Variants in PPP4R2 observed in about 807,000 individuals in gnomAD.
PPP4R2 encodes protein phosphatase 4 regulatory subunit 2, also known as serine/threonine-protein phosphatase 4 regulatory subunit 2.
In PPP4R2, 13 loss-of-function variants were observed where a neutral mutation model predicts 47.2. The observed-to-expected ratio is 0.28, with a 90% CI of 0.18 to 0.44. The LOEUF (loss-of-function observed/expected upper bound fraction) is 0.44. Ranked by LOEUF, PPP4R2 falls within the 20% of genes least tolerant of loss-of-function variation. The pLI is 1.00. For missense variants in PPP4R2, 421 were observed against 491.2 expected, an observed-to-expected ratio of 0.86 and a Z score of 1.35; for synonymous variants, 151 against 163.3, an observed-to-expected ratio of 0.92 and a Z score of 0.57.
intron 2 of PPP4R2, among the ~76,000 whole-genome samples, chr3:73,012,325 A>G (rs1701741810): frequency 1.3e-5 from 2 of 151,818 alleles, no homozygotes; most frequent in South Asian, 4.2e-4. Context: ...TTTGAGACGG[A>G]GTCTTGCTCT....
intron 2 of PPP4R2, among the ~76,000 whole-genome samples, chr3:73,008,781 A>T (rs1200792400): frequency 6.6e-6 from 1 of 152,240 alleles, no homozygotes. Context: ...AATAGAATGA[A>T]TATGGCTAAA....
intron 3 of PPP4R2, among the ~76,000 whole-genome samples, chr3:73,049,882 C>G (rs1702573350): frequency 1.3e-5 from 2 of 151,728 alleles, no homozygotes; most frequent in African/African-American, 4.8e-5. Flanking sequence ...TCATTAAATG[C>G]CTGAGCATTC....
At chr3:73,021,368 G>A (rs1326586663) in intron 2 of PPP4R2, among the ~76,000 whole-genome samples, 1 of 151,684 alleles carries the variant, frequency 6.6e-6, no homozygotes, top group Non-Finnish European at 1.5e-5. Flanking sequence ...TGAGTAGCTG[G>A]GACTACAGAT....
chr3:73,036,346 C>A (rs539995097), intron 2 of PPP4R2, among the ~76,000 whole-genome samples: 1 of 152,090 alleles, frequency 6.6e-6, no homozygotes, highest in Non-Finnish European at 1.5e-5. Context: ...AGTAGGATGA[C>A]TATAGTTAAC....
At chr3:73,001,176 C>T (rs577759084) in intron 2 of PPP4R2, among the ~76,000 whole-genome samples, 4 of 152,126 alleles carry the variant, frequency 2.6e-5, no homozygotes, top group African/African-American at 9.6e-5. Flanking sequence ...TATTATTACT[C>T]AGCTACATAA....
intron 2 of PPP4R2, among the ~76,000 whole-genome samples, chr3:73,028,844 T>A (rs749894555): frequency 2.6e-5 from 4 of 151,772 alleles, no homozygotes; most frequent in Non-Finnish European, 5.9e-5. Context: ...AGTAGACTGA[T>A]CAAGGAGAGG....
At chr3:73,062,736 A>T (rs763394375) in intron 5 of PPP4R2, 3 of 1,613,894 alleles carry the variant, frequency 1.9e-6, no homozygotes, top group African/African-American at 2.7e-5. Flanking sequence ...GATGGCATCT[A>T]TTGGAAGACT....
Position 73,064,044 on chromosome 3 carries a change from G to A in PPP4R2, c.536G>A (p.Arg179Gln), listed in dbSNP as rs781270939. ...CCTGGGACACCCAGGCCACTTAATC[G>A]ACCAAAGGTTTCTTTGTCAGCCCCC... ...NGPGTPRPLN[R>Q]PKVSLSAPMT... The change falls in exon 7 of 9, where the codon CGA becomes CAA. Residue 179 changes from arginine to glutamine, a missense_variant. By Grantham distance (43) the Arg-to-Gln change is conservative. Transcript: ENST00000356692. 2.5e-6 allele frequency: 4 copies of A among 1,612,566 alleles called. No homozygotes were observed. Among genetic ancestry groups the A allele is most frequent in the South Asian group, 1.1e-5 (1 of 90,948 alleles).
chr3:73,018,407 CGTTATGTTATGTTAT>C (rs11282207), intron 2 of PPP4R2, among the ~76,000 whole-genome samples: 2 of 96,028 alleles, frequency 2.1e-5, no homozygotes, highest in African/African-American at 4.7e-5. Flanking sequence ...CTGTCATAGT[CGTTATGTTATGTTAT>C]GTTATGTTAT....
At chr3:73,048,088 G>GA (rs1289552414) in intron 3 of PPP4R2, among the ~76,000 whole-genome samples, 1 of 152,050 alleles carries the variant, frequency 6.6e-6, no homozygotes, top group Non-Finnish European at 1.5e-5. Context: ...TGTTAGCCAG[G>GA]ATGGTCTCGA....
At chr3:73,028,847 A>T (rs1451889753) in intron 2 of PPP4R2, among the ~76,000 whole-genome samples, 1 of 147,020 alleles carries the variant, frequency 6.8e-6, no homozygotes, top group Non-Finnish European at 1.5e-5. Context: ...AGACTGATCA[A>T]GGAGAGGAGG....
intron 2 of PPP4R2, among the ~76,000 whole-genome samples, chr3:73,020,661 C>T (rs890257790): frequency 7.9e-6 from 1 of 126,120 alleles, no homozygotes; most frequent in Non-Finnish European, 1.6e-5. Flanking sequence ...CAGAGTGAGA[C>T]CCTGTCTCTT....
At chr3:73,023,749 G>C (rs941259987) in intron 2 of PPP4R2, among the ~76,000 whole-genome samples, 1 of 152,070 alleles carries the variant, frequency 6.6e-6, no homozygotes. Context: ...ATAAAAAATG[G>C]AAGTGGACCA....
chr3:73,050,029 C>T (rs1702577792), intron 3 of PPP4R2, among the ~76,000 whole-genome samples: 2 of 152,180 alleles, frequency 1.3e-5, no homozygotes, highest in African/African-American at 4.8e-5. Flanking sequence ...CAACTTCCGC[C>T]TCCCAAGTTC....
chr3:73,050,632 C>T (rs1381604869), intron 3 of PPP4R2, among the ~76,000 whole-genome samples: 2 of 152,126 alleles, frequency 1.3e-5, no homozygotes, highest in African/African-American at 4.8e-5. Flanking sequence ...TACAGAAGTA[C>T]ATAAAGAATG....
At chr3:73,024,657 C>G (rs1702022985) in intron 2 of PPP4R2, among the ~76,000 whole-genome samples, 1 of 152,116 alleles carries the variant, frequency 6.6e-6, no homozygotes, top group South Asian at 2.1e-4. Context: ...CTGCCTCCCT[C>G]CCTCCTTCTC....
At chr3:73,056,564 C>T (rs1702735829) in intron 3 of PPP4R2, among the ~76,000 whole-genome samples, 1 of 152,006 alleles carries the variant, frequency 6.6e-6, no homozygotes, top group Non-Finnish European at 1.5e-5. Flanking sequence ...CATTTTAGTG[C>T]CATCTATTGG....
At chr3:73,062,611 T>C in intron 5 of PPP4R2, 2 of 1,614,014 alleles carry the variant, frequency 1.2e-6, no homozygotes, top group East Asian at 2.2e-5. Flanking sequence ...TTTATTGCCC[T>C]TGAGAAGTCA....
In PPP4R2 at chr3:73,061,967, G is replaced by A. The variant is rs1276101054; in HGVS notation, c.419+907G>A. The A allele has an allele frequency of 8.8e-6, 6 of 679,524 alleles. 1 individual carries two copies. In the Admixed American group the frequency reaches 2.0e-4, roughly 22 times the overall value. 42.1% of individuals were successfully genotyped at this position (679,524 alleles called of 1,614,324 possible). A position where few individuals can be genotyped will look rare whatever the true frequency, so the allele number is the denominator to read the frequency against. ...TTCTTGACAGAAAAACTATTAAAAT[G>A]TATACATGATAAAAATTTCTTTTAT... On this transcript the variant is annotated intron_variant, in intron 5 of 8. Coordinates refer to ENST00000356692, the MANE Select transcript of PPP4R2 (RefSeq NM_174907.4).
Sources: gnomAD v4.1 joint callset for allele counts (sites outside exome capture counted in the v4.1 genomes callset) on GRCh38, gnomAD v4.1.1 for gene constraint, MANE v1.5 for transcripts, NCBI Gene and HGNC (gene_info 2026-07-23, HGNC 2026-07-21) for gene names.